FGF2: variants seen among roughly 807,000 people sequenced by gnomAD.
FGF2 encodes the protein fibroblast growth factor 2, also known as basic fibroblast growth factor bFGF.
FGF2 carries 13 observed loss-of-function variants against 15.9 expected under a neutral mutation model. The observed-to-expected ratio is 0.82, with a 90% CI of 0.53 to 1.30. The LOEUF is 1.30. FGF2 is among the 50% of genes most tolerant of loss of function. FGF2 has a pLI of 0.00. For synonymous variants in FGF2, 90 were observed against 78.4 expected (o/e 1.15, Z -0.78); for missense variants, 163 against 196.9 (o/e 0.83, Z 1.03).
intron 1 of FGF2, among the ~76,000 whole-genome samples, chr4:122,855,005 GCT>G (rs907644569): frequency 1.3e-5 from 2 of 151,938 alleles, no homozygotes; most frequent in African/African-American, 2.4e-5. Context: ...CACACATGCC[GCT>G]CTGTTTTCTG....
chr4:122,887,812 C>G (rs1203272491), intron 2 of FGF2, among the ~76,000 whole-genome samples: 1 of 152,168 alleles, frequency 6.6e-6, no homozygotes, highest in Non-Finnish European at 1.5e-5. Flanking sequence ...ATTTATATCA[C>G]TATCATATGT....
chr4:122,872,302 AG>A lies in FGF2; in HGVS notation c.179-4017del, dbSNP rs370751046. ...ATTTGAAGACCACCTTGCTGAAATA[AG>A]GCATGCAGACAAGACTAGAGAAGAA... On this transcript the variant is annotated intron_variant, in intron 1 of 2. Transcript: ENST00000644866. Among the ~76,000 whole-genome samples, 22 of 152,338 alleles carry A rather than the reference AG, an allele frequency of 1.4e-4. No individual in the cohort carries two copies. In the South Asian group the frequency reaches 4.6e-3, roughly 32 times the overall value.
chr4:122,835,275 G>A (rs1725841601), intron 1 of FGF2, among the ~76,000 whole-genome samples: 1 of 152,026 alleles, frequency 6.6e-6, no homozygotes, highest in African/African-American at 2.4e-5. Context: ...GCAGCAGGCT[G>A]GAAGAACTCC....
intron 1 of FGF2, among the ~76,000 whole-genome samples, chr4:122,860,071 G>A (rs1726429363): frequency 6.6e-6 from 1 of 152,058 alleles, no homozygotes; most frequent in Non-Finnish European, 1.5e-5. Context: ...ATTTGGTTGG[G>A]GTGGAAATGA....
At chr4:122,836,278 A>G (rs753712525) in intron 1 of FGF2, among the ~76,000 whole-genome samples, 3 of 152,156 alleles carry the variant, frequency 2.0e-5, no homozygotes, top group Non-Finnish European at 4.4e-5. Context: ...AAGTCTCTTA[A>G]CTTCCTTTCT....
chr4:122,827,022 G>A lies in FGF2; in HGVS notation c.-153G>A, dbSNP rs1329076000. Reference sequence around the variant, plus strand: ...GAGCGGCTCGAGGCTGGGGGACCGCGGGCGCGGCCGCGCGCTGCCGGGCGG... The same window carrying A: ...GAGCGGCTCGAGGCTGGGGGACCGCAGGCGCGGCCGCGCGCTGCCGGGCGG... On this transcript the variant is annotated 5_prime_UTR_variant, in exon 1 of 3. Coordinates refer to ENST00000644866, the MANE Select transcript of FGF2 (RefSeq NM_001361665.2). The surrounding 1 kb of genome is among the most constrained non-coding windows in gnomAD (Gnocchi z 4.2). 1.7e-6 allele frequency: 2 copies of A among 1,194,668 alleles called. No homozygotes were observed. The highest frequency in any genetic ancestry group is 2.1e-6 in the Non-Finnish European group (2 of 964,874). The allele number at this position is 1,194,668 out of a possible 1,614,324, so 74.0% of individuals were successfully genotyped here.
intron 1 of FGF2, among the ~76,000 whole-genome samples, chr4:122,858,350 G>A (rs1462523490): frequency 1.3e-5 from 2 of 151,912 alleles, no homozygotes; most frequent in Admixed American, 1.3e-4. Context: ...GTATGAAGAT[G>A]TAAAGTTTTT....
At chr4:122,846,633 C>A (rs1338653738) in intron 1 of FGF2, among the ~76,000 whole-genome samples, 1 of 152,206 alleles carries the variant, frequency 6.6e-6, no homozygotes, top group African/African-American at 2.4e-5. Flanking sequence ...TAACTGCTAA[C>A]AAGTGCTTAC....
intron 2 of FGF2, chr4:122,889,992 A>G (rs754569660): frequency 6.6e-6 from 1 of 152,190 alleles, no homozygotes. Context: ...CAGTCTATGA[A>G]GTTCCATGGT....
At chr4:122,840,052 T>G (rs1725946192) in intron 1 of FGF2, among the ~76,000 whole-genome samples, 1 of 152,100 alleles carries the variant, frequency 6.6e-6, no homozygotes, top group African/African-American at 2.4e-5. Flanking sequence ...TATAAAGACC[T>G]CAGTCAGATT....
intron 1 of FGF2, among the ~76,000 whole-genome samples, chr4:122,871,533 C>G (rs1057369854): frequency 6.6e-6 from 1 of 151,964 alleles, no homozygotes. Context: ...TTACCCGTGC[C>G]ACCCAATTGG....
intron 1 of FGF2, among the ~76,000 whole-genome samples, chr4:122,837,194 G>A (rs1725883828): frequency 6.6e-6 from 1 of 152,128 alleles, no homozygotes; most frequent in South Asian, 2.1e-4. Flanking sequence ...CTCTTAAGAG[G>A]ATAGAAATTG....
intron 1 of FGF2, among the ~76,000 whole-genome samples, chr4:122,857,936 A>C (rs183958752): frequency 1.3e-5 from 2 of 152,174 alleles, no homozygotes; most frequent in Non-Finnish European, 2.9e-5. Flanking sequence ...CTTTATGGCT[A>C]TAAGAGTTGA....
chr4:122,857,798 TA>T (rs1726371633), intron 1 of FGF2, among the ~76,000 whole-genome samples: 1 of 152,256 alleles, frequency 6.6e-6, no homozygotes, highest in African/African-American at 2.4e-5. Flanking sequence ...TGGTATGGCT[TA>T]GAAGTAAAAT....
chr4:122,871,117 A>G (rs2150781375), intron 1 of FGF2, among the ~76,000 whole-genome samples: 1 of 152,228 alleles, frequency 6.6e-6, no homozygotes, highest in South Asian at 2.1e-4. Context: ...TTCAATTTCC[A>G]TGTAATTGTG....
chr4:122,884,622 A>C (rs1727022039), intron 2 of FGF2: 1 of 152,234 alleles, frequency 6.6e-6, no homozygotes, highest in Non-Finnish European at 1.5e-5. Flanking sequence ...GAAGTGGTAT[A>C]AGCAAAAGCA....
intron 1 of FGF2, among the ~76,000 whole-genome samples, chr4:122,874,367 ATCTTT>A (rs1348926767): frequency 6.6e-6 from 1 of 152,188 alleles, no homozygotes; most frequent in African/African-American, 2.4e-5. Flanking sequence ...ACTTCGTATT[ATCTTT>A]TAAGATTTTG....
intron 1 of FGF2, among the ~76,000 whole-genome samples, chr4:122,864,823 C>T (rs890928904): frequency 6.6e-6 from 1 of 152,052 alleles, no homozygotes; most frequent in Non-Finnish European, 1.5e-5. Context: ...CATGAATGTG[C>T]TTATTTTCAG....
intron 2 of FGF2, among the ~76,000 whole-genome samples, chr4:122,877,590 A>G (rs1383480338): frequency 6.6e-6 from 1 of 152,240 alleles, no homozygotes; most frequent in Admixed American, 6.5e-5. Context: ...AAATAAATAT[A>G]AAAGACAGAT....
Sources: gnomAD v4.1 joint callset for allele counts (sites outside exome capture counted in the v4.1 genomes callset) on GRCh38, gnomAD v4.1.1 for gene constraint, Gnocchi (gnomAD v3.1) non-coding constraint, MANE v1.5 for transcripts, NCBI Gene and HGNC (gene_info 2026-07-23, HGNC 2026-07-21) for gene names.